BACE2: variants seen among roughly 807,000 people sequenced by gnomAD.
BACE2 encodes 56 kDa aspartic-like protease.
Under a neutral mutation model 46.2 loss-of-function variants are expected in BACE2, and 17 were observed. That is an observed-to-expected ratio of 0.37 (90% CI 0.25 to 0.55). The LOEUF (loss-of-function observed/expected upper bound fraction) is 0.55. BACE2 is among the 20% of genes least tolerant of loss of function. The pLI is 0.82. For missense variants in BACE2, 595 were observed against 698.1 expected (o/e 0.85, Z 1.66); for synonymous variants, 277 against 295.9 (o/e 0.94, Z 0.66).
At position 41,267,392 on chromosome 21, in the gene BACE2, T is replaced by C. The variant is rs532333901; in HGVS notation, c.1304-7979T>C. 1.1e-4 allele frequency among the ~76,000 whole-genome samples: 16 copies of C among 152,014 alleles called. 1 individual carries two copies. In the East Asian group the frequency reaches 3.1e-3, roughly 30 times the overall value. ...TCCTACGGCTACGAAAATAATAGAG[T>C]GTTAAAATTGACAACTCTCTGTTAT... On this transcript the variant is annotated intron_variant, in intron 8 of 8. Transcript: ENST00000330333.
intron 2 of BACE2, among the ~76,000 whole-genome samples, chr21:41,227,533 C>T (rs538206023): frequency 6.6e-6 from 1 of 152,308 alleles, no homozygotes; most frequent in African/African-American, 2.4e-5. Context: ...ATCTATGCTA[C>T]CTACACCACA....
Position 41,215,180 on chromosome 21 carries a change from C to T in BACE2, c.313-11086C>T, listed in dbSNP as rs145534545. Among the ~76,000 whole-genome samples the T allele has an allele frequency of 3.0e-3, 458 of 152,186 alleles. 3 individuals carry two copies. Among genetic ancestry groups the T allele is most frequent in the African/African-American group, 9.9e-3 (412 of 41,536 alleles). On this transcript the variant is annotated intron_variant, in intron 1 of 8. Transcript: ENST00000330333. The stretch of plus-strand genomic sequence containing the variant: ...AGAGAAAGAGAGAAAGGAATTGAGA[C>T]GGGAGGTGGCCCACTGCTGGATGCT...
At chr21:41,170,813 A>C (rs1158608690) in intron 1 of BACE2, among the ~76,000 whole-genome samples, 1 of 152,248 alleles carries the variant, frequency 6.6e-6, no homozygotes, top group African/African-American at 2.4e-5. Flanking sequence ...GAATTAAGTA[A>C]TAGTCATAGA....
chr21:41,205,868 C>T (rs1292484828), intron 1 of BACE2, among the ~76,000 whole-genome samples: 1 of 152,138 alleles, frequency 6.6e-6, no homozygotes, highest in Non-Finnish European at 1.5e-5. Flanking sequence ...ATCTCTATGA[C>T]TCAGGCACAT....
intron 1 of BACE2, chr21:41,176,687 T>C (rs1391253314): frequency 6.6e-6 from 1 of 152,186 alleles, no homozygotes; most frequent in Non-Finnish European, 1.5e-5. Context: ...ACTCCTCGTG[T>C]TGGGCAAGTG....
At chr21:41,230,003 A>G (rs1444907868) in intron 2 of BACE2, 4 of 152,240 alleles carry the variant, frequency 2.6e-5, no homozygotes, top group Non-Finnish European at 4.4e-5. Context: ...AAGCCCCTCA[A>G]TGGTTGGTTT....
In BACE2 at chr21:41,172,293, A is replaced by G. The variant is rs76213961; in HGVS notation, c.312+3718A>G. Reference sequence around the variant, plus strand: ...GTGAGCCAAGAAATCAGCTTGAAACAACAAGGAGGGACAGGAGTCTGAGAA... The same window carrying G: ...GTGAGCCAAGAAATCAGCTTGAAACGACAAGGAGGGACAGGAGTCTGAGAA... On this transcript the variant is annotated intron_variant, in intron 1 of 8. Coordinates refer to ENST00000330333, the MANE Select transcript of BACE2 (RefSeq NM_012105.5). 3.9e-3 allele frequency among the ~76,000 whole-genome samples: 601 copies of G among 152,374 alleles called. 2 individuals carry two copies. Among genetic ancestry groups the G allele is most frequent in the African/African-American group, 0.014 (577 of 41,592 alleles).
intron 1 of BACE2, among the ~76,000 whole-genome samples, chr21:41,187,841 A>G (rs1037813144): frequency 6.6e-6 from 1 of 152,224 alleles, no homozygotes; most frequent in Non-Finnish European, 1.5e-5. Flanking sequence ...TGGCAGCACA[A>G]CAAAGTTGCA....
intron 5 of BACE2, 133 bp from the exon 6 acceptor site, chr21:41,245,829 A>G (rs2837985): frequency 0.095 from 58,921 of 620,568 alleles, 3,350 homozygotes; most frequent in Middle Eastern, 0.12. Context: ...TGAATGAACT[A>G]CACAGTCCAT....
At chr21:41,183,909 A>C (rs1985247989) in intron 1 of BACE2, 1 of 167,070 alleles carries the variant, frequency 6.0e-6, no homozygotes, top group African/African-American at 2.4e-5. Flanking sequence ...TCAGGCATCA[A>C]GTCTTGTCTA....
chr21:41,249,621 C>T (rs77534532), intron 6 of BACE2, among the ~76,000 whole-genome samples: 4,336 of 152,296 alleles, frequency 0.028, 215 homozygotes, highest in African/African-American at 0.097. Flanking sequence ...CCCGACCACA[C>T]ACCTCCCCAG....
chr21:41,171,185 A>C (rs963029899), intron 1 of BACE2, among the ~76,000 whole-genome samples: 1 of 152,204 alleles, frequency 6.6e-6, no homozygotes, highest in Admixed American at 6.5e-5. Context: ...TATGACTGCA[A>C]CTGGACCCTC....
chr21:41,232,781 G>A (rs1023844910), intron 2 of BACE2, among the ~76,000 whole-genome samples: 1 of 152,030 alleles, frequency 6.6e-6, no homozygotes, highest in Non-Finnish European at 1.5e-5. Flanking sequence ...ACAGAACCAT[G>A]AGCCAAAATC....
At chr21:41,236,078 T>C (rs1987110128) in intron 2 of BACE2, among the ~76,000 whole-genome samples, 1 of 152,204 alleles carries the variant, frequency 6.6e-6, no homozygotes, top group African/African-American at 2.4e-5. Context: ...TAGCTTAGAA[T>C]TGTGATTATT....
At chr21:41,191,743 A>G (rs377420604) in intron 1 of BACE2, among the ~76,000 whole-genome samples, 1 of 152,312 alleles carries the variant, frequency 6.6e-6, no homozygotes, top group African/African-American at 2.4e-5. Flanking sequence ...TCATGGACCC[A>G]CTGGGTGATG....
chr21:41,185,763 G>T (rs556505934), intron 1 of BACE2, among the ~76,000 whole-genome samples: 7 of 152,250 alleles, frequency 4.6e-5, no homozygotes, highest in African/African-American at 1.7e-4. Context: ...GCACAGCAGT[G>T]CCAAAAACCC....
intron 1 of BACE2, among the ~76,000 whole-genome samples, chr21:41,216,072 G>A (rs761572002): frequency 3.3e-5 from 5 of 152,156 alleles, no homozygotes; most frequent in Admixed American, 6.5e-5. Flanking sequence ...CGTTGTTTGA[G>A]AGCGCGTCGT....
At chr21:41,213,375 T>C (rs1455258338) in intron 1 of BACE2, among the ~76,000 whole-genome samples, 2 of 152,150 alleles carry the variant, frequency 1.3e-5, no homozygotes, top group Admixed American at 6.5e-5. Context: ...TTTGTACGGT[T>C]TATCGTTTAC....
At chr21:41,212,391 C>G (rs1986327218) in intron 1 of BACE2, among the ~76,000 whole-genome samples, 1 of 152,152 alleles carries the variant, frequency 6.6e-6, no homozygotes, top group Non-Finnish European at 1.5e-5. Flanking sequence ...AATAAGGGTT[C>G]ATCATACAAA....
Sources: allele counts gnomAD v4.1 joint callset (sites outside exome capture counted in the v4.1 genomes callset), GRCh38; gene constraint gnomAD v4.1.1; transcripts MANE v1.5; gene names NCBI Gene and HGNC (gene_info 2026-07-23, HGNC 2026-07-21).